CSMD1: variants seen among roughly 807,000 people sequenced by gnomAD.
CSMD1 encodes CUB and Sushi multiple domains 1.
In CSMD1, 213 loss-of-function variants were observed where a neutral mutation model predicts 417.5. The observed-to-expected ratio is 0.51, with a 90% confidence interval of 0.46 to 0.57. CSMD1 has a LOEUF of 0.57. Ranked by LOEUF, CSMD1 falls within the 20% of genes least tolerant of loss-of-function variation. The pLI is 0.00. For missense variants in CSMD1, 6,923 were observed against 4,529.7 expected (o/e 1.53, Z -15.17); for synonymous variants, 2,862 against 1,736.8 (o/e 1.65, Z -16.11).
At chr8:3,098,048 AC>A (rs1313956677) in intron 46 of CSMD1, among the ~76,000 whole-genome samples, 3 of 152,238 alleles carry the variant, frequency 2.0e-5, no homozygotes, top group Non-Finnish European at 4.4e-5. Context: ...AAAGCAAAAC[AC>A]TAGAGTCTCC....
intron 1 of CSMD1, among the ~76,000 whole-genome samples, chr8:4,836,604 C>T (rs1800508691): frequency 6.6e-6 from 1 of 152,188 alleles, no homozygotes; most frequent in Non-Finnish European, 1.5e-5. Context: ...GCAGTACAAG[C>T]TGTATACTCT....
At chr8:4,269,415 C>T (rs934297866) in intron 3 of CSMD1, among the ~76,000 whole-genome samples, 1 of 152,076 alleles carries the variant, frequency 6.6e-6, no homozygotes, top group Non-Finnish European at 1.5e-5. Context: ...GGCTGTGTAG[C>T]TTTTGATATT....
At chr8:4,137,649 A>C (rs1454068363) in intron 3 of CSMD1, among the ~76,000 whole-genome samples, 1 of 131,622 alleles carries the variant, frequency 7.6e-6, no homozygotes, top group African/African-American at 2.5e-5. Context: ...AAGCAGTTTC[A>C]ATATAAATTC....
intron 12 of CSMD1, among the ~76,000 whole-genome samples, chr8:3,437,706 C>T (rs774992674): frequency 3.9e-5 from 6 of 152,086 alleles, no homozygotes; most frequent in Non-Finnish European, 7.3e-5. Flanking sequence ...AGACAGAACA[C>T]CCTGTTCCCA....
At chr8:4,086,532 T>C (rs1800430249) in intron 3 of CSMD1, among the ~76,000 whole-genome samples, 1 of 152,188 alleles carries the variant, frequency 6.6e-6, no homozygotes, top group South Asian at 2.1e-4. Flanking sequence ...AACTCCCAAT[T>C]TGTCAAGCTC....
chr8:4,499,192 G>C (rs909647268), intron 2 of CSMD1, among the ~76,000 whole-genome samples: 3 of 152,180 alleles, frequency 2.0e-5, no homozygotes, highest in Non-Finnish European at 4.4e-5. Flanking sequence ...ACAGAAAATT[G>C]AGGAGCCTCA....
intron 7 of CSMD1, among the ~76,000 whole-genome samples, chr8:3,663,657 A>G (rs959388438): frequency 6.6e-6 from 1 of 152,132 alleles, no homozygotes; most frequent in African/African-American, 2.4e-5. Flanking sequence ...GAATGCAATC[A>G]TTTGCCTCTT....
At chr8:3,220,919 T>C (rs1798170769) in intron 28 of CSMD1, among the ~76,000 whole-genome samples, 1 of 152,198 alleles carries the variant, frequency 6.6e-6, no homozygotes, top group Admixed American at 6.5e-5. Context: ...TAGCAGGTTT[T>C]TCATATGTGT....
intron 56 of CSMD1, among the ~76,000 whole-genome samples, chr8:2,973,778 T>C (rs994015812): frequency 6.6e-6 from 1 of 152,118 alleles, no homozygotes; most frequent in East Asian, 1.9e-4. Context: ...ATAAAGATAA[T>C]GTTTTTTTTC....
intron 46 of CSMD1, among the ~76,000 whole-genome samples, chr8:3,104,643 G>C (rs1041920042): frequency 6.6e-6 from 1 of 151,816 alleles, no homozygotes; most frequent in African/African-American, 2.4e-5. Flanking sequence ...CTCTTTCAGG[G>C]TGCCTGGAAT....
chr8:3,289,409 T>G (rs1243505460), intron 25 of CSMD1, among the ~76,000 whole-genome samples: 3 of 147,210 alleles, frequency 2.0e-5, no homozygotes, highest in Non-Finnish European at 4.4e-5. Context: ...CACACTGACT[T>G]CACAATGGTT....
chr8:3,766,250 C>G (rs1274607806), intron 5 of CSMD1, among the ~76,000 whole-genome samples: 1 of 152,198 alleles, frequency 6.6e-6, no homozygotes, highest in Non-Finnish European at 1.5e-5. Context: ...TGTCATGCCC[C>G]ACCTGGAAAT....
At chr8:3,239,301 G>A (rs1799347621) in intron 26 of CSMD1, among the ~76,000 whole-genome samples, 1 of 152,194 alleles carries the variant, frequency 6.6e-6, no homozygotes, top group South Asian at 2.1e-4. Flanking sequence ...CTATTGGACT[G>A]TATAGAGGTG....
chr8:3,848,806 G>T (rs954500105), intron 5 of CSMD1, among the ~76,000 whole-genome samples: 1 of 151,798 alleles, frequency 6.6e-6, no homozygotes, highest in Non-Finnish European at 1.5e-5. Context: ...GATTAGCAGC[G>T]ATTTTAAAGA....
intron 10 of CSMD1, among the ~76,000 whole-genome samples, chr8:3,511,429 C>T (rs1032225082): frequency 2.6e-5 from 4 of 151,488 alleles, no homozygotes; most frequent in Admixed American, 6.6e-5. Context: ...ATGATCTGTA[C>T]CTATCCTCCA....
intron 1 of CSMD1, among the ~76,000 whole-genome samples, chr8:4,859,036 C>T (rs1321523455): frequency 2.6e-5 from 4 of 151,488 alleles, no homozygotes; most frequent in Non-Finnish European, 5.9e-5. Flanking sequence ...CTACAGTAAC[C>T]AAAACAGCAT....
rs148448323 is a variant in CSMD1, at chr8:4,458,253, G to C, written c.303-38188C>G. ...GATCGGTCACACTTAAATGGTTGCA[G>C]AGTAACCACAAAAAATGACACTCAA... On this transcript the variant is annotated intron_variant, in intron 2 of 69. Coordinates refer to ENST00000635120, the MANE Select transcript of CSMD1 (RefSeq NM_033225.6). 5.0e-3 allele frequency among the ~76,000 whole-genome samples: 766 copies of C among 152,138 alleles called. 4 individuals are homozygous for C. Among genetic ancestry groups the C allele is most frequent in the African/African-American group, 0.018 (744 of 41,538 alleles).
intron 8 of CSMD1, among the ~76,000 whole-genome samples, chr8:3,606,430 C>G (rs141682052): frequency 8.0e-4 from 121 of 152,168 alleles, no homozygotes; most frequent in African/African-American, 2.7e-3. Context: ...GTTCGTATAT[C>G]TAAGTATACC....
Position 3,632,824 on chromosome 8 carries a change from T to C in CSMD1, c.1010-16027A>G, listed in dbSNP as rs537174972. Among the ~76,000 whole-genome samples the C allele has an allele frequency of 4.4e-4, 67 of 152,338 alleles. No homozygotes were observed. The South Asian group carries it at 6.4e-3, about 15-fold the overall frequency. The stretch of plus-strand genomic sequence containing the variant: ...TCAGGTGCAAAGACATCTGTGTCTA[T>C]TGGTTCCCCTTCAGAGATTATGTTC... On this transcript the variant is annotated intron_variant, in intron 7 of 69. Coordinates refer to ENST00000635120, the MANE Select transcript of CSMD1 (RefSeq NM_033225.6).
Sources: allele counts gnomAD v4.1 joint callset (sites outside exome capture counted in the v4.1 genomes callset), GRCh38; gene constraint gnomAD v4.1.1; transcripts MANE v1.5; gene names NCBI Gene and HGNC (gene_info 2026-07-23, HGNC 2026-07-21).